The following TPCN1 variants were observed in gnomAD, a reference collection of about 807,000 sequenced individuals.
TPCN1 encodes two pore channel protein 1.
A neutral mutation model predicts 108.8 loss-of-function variants in TPCN1; 52 were observed. That is an observed-to-expected ratio of 0.48 (90% CI 0.38 to 0.60). TPCN1 has a LOEUF of 0.60. Ranked by LOEUF, TPCN1 falls within the 20% of genes least tolerant of loss-of-function variation. TPCN1 has a pLI of 0.00. For synonymous variants in TPCN1, 446 were observed against 433.7 expected (o/e 1.03, Z -0.35); for missense variants, 806 against 1,072.8 (o/e 0.75, Z 3.47).
At chr12:113,245,764 G>C (rs2136499941) in intron 2 of TPCN1, 1 of 351,968 alleles carries the variant, frequency 2.8e-6, no homozygotes, top group East Asian at 7.7e-5. Flanking sequence ...GGCCCCAGTG[G>C]TTTACGCAGC....
At chr12:113,245,563 T>C (rs1954335362) in intron 2 of TPCN1, among the ~76,000 whole-genome samples, 1 of 112,996 alleles carries the variant, frequency 8.8e-6, no homozygotes, top group Non-Finnish European at 1.7e-5. Flanking sequence ...ATCGCGCCAC[T>C]GCACTCCAGC....
intron 15 of TPCN1, among the ~76,000 whole-genome samples, chr12:113,283,926 A>G (rs1177283883): frequency 6.6e-6 from 1 of 152,184 alleles, no homozygotes; most frequent in Non-Finnish European, 1.5e-5. Flanking sequence ...CACCTGCCCC[A>G]GCCTTTCAAA....
chr12:113,260,616 G>T (rs989318129), intron 3 of TPCN1, 124 bp downstream of exon 3: 1 of 1,257,796 alleles, frequency 8.0e-7, no homozygotes, highest in Non-Finnish European at 1.1e-6. Flanking sequence ...CTGCTCGTGT[G>T]TGAGCTTCAG....
At position 113,231,878 on chromosome 12, in the gene TPCN1, T is replaced by C. The variant is rs1953698773; in HGVS notation, c.112+4914T>C. Among the ~76,000 whole-genome samples, 1 of 152,150 alleles carries C rather than the reference T, an allele frequency of 6.6e-6. No homozygotes were observed. Among genetic ancestry groups the C allele is most frequent in the Non-Finnish European group, 1.5e-5 (1 of 68,030 alleles). Reference sequence around the variant, plus strand: ...GTCAGCGGGGCCACTGTTAGAGCAGTGTAGAGACAGACCACAGTCCACACC... The same window carrying C: ...GTCAGCGGGGCCACTGTTAGAGCAGCGTAGAGACAGACCACAGTCCACACC... On this transcript the variant is annotated intron_variant, in intron 2 of 27. Coordinates refer to ENST00000335509, the MANE Select transcript of TPCN1 (RefSeq NM_017901.6). This position sits in a 1 kb window ranked among gnomAD's most constrained non-coding sequence, Gnocchi z 4.3.
chr12:113,230,023 A>G (rs1369451673), intron 2 of TPCN1, among the ~76,000 whole-genome samples: 2 of 151,826 alleles, frequency 1.3e-5, no homozygotes, highest in Admixed American at 1.3e-4. Context: ...AAACCTTTCC[A>G]CCTTGCTGGC....
chr12:113,227,309 A>G (rs1356708179), intron 2 of TPCN1, among the ~76,000 whole-genome samples: 1 of 152,104 alleles, frequency 6.6e-6, no homozygotes, highest in Non-Finnish European at 1.5e-5. Flanking sequence ...TTCCTTGTTA[A>G]AAAAAGAAAC....
intron 2 of TPCN1, among the ~76,000 whole-genome samples, chr12:113,230,582 T>C (rs1953652886): frequency 6.6e-6 from 1 of 152,148 alleles, no homozygotes. Flanking sequence ...GGATTAGAGC[T>C]CATCCATATG....
chr12:113,292,762 A>G, intron 25 of TPCN1, 172 bp from the exon 26 acceptor site: 1 of 704,966 alleles, frequency 1.4e-6, no homozygotes, highest in Non-Finnish European at 2.3e-6. Context: ...ATCACAGCAG[A>G]GGGAGGGGAA....
chr12:113,290,876 G>C, intron 22 of TPCN1, 76 bp from the exon 23 acceptor site: 1 of 1,395,964 alleles, frequency 7.2e-7, no homozygotes, highest in Non-Finnish European at 1.0e-6. Flanking sequence ...ACCCAGGATA[G>C]GTGGCAAGAG....
At chr12:113,249,437 C>CAA (rs1178893776) in intron 2 of TPCN1, 1 of 152,238 alleles carries the variant, frequency 6.6e-6, no homozygotes, top group African/African-American at 2.4e-5. Flanking sequence ...AGCCTGGATG[C>CAA]TAGACCTGGC....
chr12:113,223,782 G>A (rs554276705), intron 1 of TPCN1, among the ~76,000 whole-genome samples: 1 of 152,218 alleles, frequency 6.6e-6, no homozygotes, highest in African/African-American at 2.4e-5. Context: ...GACCTCAAGC[G>A]ATCCACCTGC....
chr12:113,275,749 T>C (rs1001868916), intron 10 of TPCN1, among the ~76,000 whole-genome samples: 6 of 151,794 alleles, frequency 4.0e-5, no homozygotes, highest in African/African-American at 1.5e-4. Context: ...ATTTTTTTTG[T>C]AGTTTTAGTA....
chr12:113,234,273 T>C (rs1953801609), intron 2 of TPCN1, among the ~76,000 whole-genome samples: 2 of 152,198 alleles, frequency 1.3e-5, no homozygotes, highest in Non-Finnish European at 1.5e-5. Flanking sequence ...CATAGAGACA[T>C]TTGGCTACTT....
At chr12:113,229,390 T>G (rs1453531156) in intron 2 of TPCN1, among the ~76,000 whole-genome samples, 1 of 152,254 alleles carries the variant, frequency 6.6e-6, no homozygotes, top group Non-Finnish European at 1.5e-5. Context: ...AGAGGAGGCC[T>G]GCTCTGCCTT....
rs766924893 is a variant in TPCN1 at position 113,277,373 on chromosome 12, A to C, written c.1184+9A>C. The C allele has an allele frequency of 6.2e-7, 1 of 1,613,992 alleles. No individual in the cohort carries two copies. Among genetic ancestry groups the C allele is most frequent in the Non-Finnish European group, 8.5e-7 (1 of 1,179,912 alleles). Reference sequence around the variant, plus strand: ...AACACACCCCTGCTCAGGTAAGAGCAGATGCCTGGTAGGGGCAGCATGGCC... The same window carrying C: ...AACACACCCCTGCTCAGGTAAGAGCCGATGCCTGGTAGGGGCAGCATGGCC... On this transcript the variant is annotated intron_variant, in intron 12 of 27. Coordinates refer to ENST00000335509, the MANE Select transcript of TPCN1 (RefSeq NM_017901.6).
At chr12:113,291,479 C>A in intron 23 of TPCN1, 130 bp from the exon 24 acceptor site, 1 of 777,162 alleles carries the variant, frequency 1.3e-6, no homozygotes, top group Non-Finnish European at 2.1e-6. Flanking sequence ...GCTTCCTCTC[C>A]TCCATCTCTC....
intron 2 of TPCN1, chr12:113,244,624 C>T (rs1954277590): frequency 2.0e-6 from 2 of 985,276 alleles, no homozygotes; most frequent in Non-Finnish European, 2.4e-6. Context: ...GGTTTATTTT[C>T]CTCTCCTCTT....
chr12:113,293,467 G>T, intron 27 of TPCN1, 118 bp downstream of exon 27: 1 of 982,616 alleles, frequency 1.0e-6, no homozygotes, highest in Non-Finnish European at 1.6e-6. Flanking sequence ...GATGCAGACC[G>T]TCCATCGGGA....
At chr12:113,259,861 G>C (rs916677664) in intron 2 of TPCN1, among the ~76,000 whole-genome samples, 1 of 152,228 alleles carries the variant, frequency 6.6e-6, no homozygotes, top group Non-Finnish European at 1.5e-5. Flanking sequence ...TGCTGGGAGA[G>C]GAGGGCGTGG....
Sources: gnomAD v4.1 joint callset for allele counts (sites outside exome capture counted in the v4.1 genomes callset) on GRCh38, gnomAD v4.1.1 for gene constraint, Gnocchi (gnomAD v3.1) non-coding constraint, MANE v1.5 for transcripts, NCBI Gene and HGNC (gene_info 2026-07-23, HGNC 2026-07-21) for gene names.